Variants in CSMD3 observed in about 807,000 individuals in gnomAD.
CSMD3 encodes CUB and sushi domain-containing protein 3.
A neutral mutation model predicts 435.2 loss-of-function variants in CSMD3; 177 were observed. The ratio of observed to expected loss-of-function variants is 0.41; its 90% CI spans 0.36 to 0.46. The LOEUF (loss-of-function observed/expected upper bound fraction) is 0.46. Among genes scored for constraint, CSMD3 ranks in the 20% least tolerant of loss-of-function variants. The probability of loss-of-function intolerance (pLI) is 0.34; values close to 1 mark genes in which losing one functional copy is unlikely to be tolerated. For synonymous variants in CSMD3, 1,656 were observed against 1,520.5 expected, an observed-to-expected ratio of 1.09 and a Z score of -2.07; for missense variants, 4,265 against 4,504.6, an observed-to-expected ratio of 0.95 and a Z score of 1.52.
intron 4 of CSMD3, among the ~76,000 whole-genome samples, chr8:113,135,669 C>A (rs903363257): frequency 4.6e-5 from 7 of 151,616 alleles, no homozygotes; most frequent in African/African-American, 1.7e-4. Flanking sequence ...GTCCCAAGAG[C>A]AATTCATTGA....
chr8:113,310,043 G>C (rs1195039118), intron 2 of CSMD3: 1 of 152,144 alleles, frequency 6.6e-6, no homozygotes, highest in Non-Finnish European at 1.5e-5. Flanking sequence ...TTCTGTTACA[G>C]CCAAACATCC....
At chr8:112,656,110 G>A (rs1228059732) in intron 18 of CSMD3, 44 bp downstream of exon 18, 7 of 1,033,228 alleles carry the variant, frequency 6.8e-6, no homozygotes, top group Non-Finnish European at 9.1e-6. Context: ...ACAAAAAGTA[G>A]GGCAAACAGA....
intron 11 of CSMD3, among the ~76,000 whole-genome samples, chr8:112,840,648 T>TTG (rs2080153087): frequency 1.3e-5 from 2 of 151,758 alleles, no homozygotes; most frequent in South Asian, 4.1e-4. Context: ...TATCTGTATT[T>TTG]CACTGCAACC....
intron 27 of CSMD3, among the ~76,000 whole-genome samples, chr8:112,526,785 T>C (rs1038754123): frequency 6.6e-6 from 1 of 151,946 alleles, no homozygotes; most frequent in Non-Finnish European, 1.5e-5. Context: ...TTATAACATA[T>C]GTAAAAGTAA....
At chr8:112,336,359 T>C (rs1824553568) in intron 44 of CSMD3, among the ~76,000 whole-genome samples, 1 of 152,198 alleles carries the variant, frequency 6.6e-6, no homozygotes, top group Non-Finnish European at 1.5e-5. Flanking sequence ...ACCTTAAACT[T>C]AAGTCTGTTA....
At chr8:113,250,447 G>A (rs775577376) in intron 3 of CSMD3, among the ~76,000 whole-genome samples, 13 of 152,056 alleles carry the variant, frequency 8.5e-5, no homozygotes, top group Non-Finnish European at 1.9e-4. Flanking sequence ...CCTTGTGGGC[G>A]GTTCTAGGCC....
intron 10 of CSMD3, among the ~76,000 whole-genome samples, chr8:112,893,578 A>T (rs1032115847): frequency 6.6e-6 from 1 of 151,480 alleles, no homozygotes; most frequent in Non-Finnish European, 1.5e-5. Flanking sequence ...TGGAGCAGAG[A>T]TTTAATCCCT....
At chr8:112,932,387 G>A (rs1341764489) in intron 9 of CSMD3, among the ~76,000 whole-genome samples, 2 of 152,170 alleles carry the variant, frequency 1.3e-5, no homozygotes, top group Non-Finnish European at 2.9e-5. Context: ...AGCTAAAAAT[G>A]TTCATCTCAT....
intron 32 of CSMD3, among the ~76,000 whole-genome samples, chr8:112,460,503 G>T (rs1484841954): frequency 6.8e-6 from 1 of 146,884 alleles, no homozygotes; most frequent in African/African-American, 2.5e-5. Context: ...AAATGTTATA[G>T]AATTAAACTA....
At chr8:112,545,489 A>AT (rs1827082802) in intron 27 of CSMD3, among the ~76,000 whole-genome samples, 1 of 142,254 alleles carries the variant, frequency 7.0e-6, no homozygotes, top group African/African-American at 2.7e-5. Flanking sequence ...TCTCAAAAAA[A>AT]AAAAAAAAAA....
chr8:113,192,167 C>A (rs2092595562), intron 3 of CSMD3, among the ~76,000 whole-genome samples: 1 of 151,476 alleles, frequency 6.6e-6, no homozygotes, highest in Non-Finnish European at 1.5e-5. Flanking sequence ...AGTTTGGAAA[C>A]CATGTACATT....
Position 113,409,322 on chromosome 8 carries a change from A to G in CSMD3, c.178+27355T>C, listed in dbSNP as rs948559125. ...GTGGTCTCGAACTCCTGACCTCGTG[A>G]AGCACCCCTCTCGGCCTCCCAAAGT... On this transcript the variant is annotated intron_variant, in intron 1 of 70. Transcript: ENST00000297405. Among the ~76,000 whole-genome samples, 4 of 151,398 alleles carry G rather than the reference A, an allele frequency of 2.6e-5. No individual in the cohort carries two copies. The South Asian group carries it at 8.3e-4, about 32-fold the overall frequency.
At chr8:112,782,079 T>C (rs10955634) in intron 13 of CSMD3, among the ~76,000 whole-genome samples, 127,830 of 152,076 alleles carry the variant, frequency 0.84, 53,954 homozygotes, top group East Asian at 0.92. Flanking sequence ...GAAAACATCA[T>C]CTTACCAAAT....
chr8:112,813,587 T>TA (rs911099260), intron 12 of CSMD3, among the ~76,000 whole-genome samples: 4 of 152,090 alleles, frequency 2.6e-5, no homozygotes, highest in African/African-American at 4.8e-5. Context: ...CAGGGAAACT[T>TA]ACAGCAAAAT....
intron 1 of CSMD3, among the ~76,000 whole-genome samples, chr8:113,403,861 G>A (rs1005895327): frequency 1.3e-5 from 2 of 151,378 alleles, no homozygotes; most frequent in Non-Finnish European, 3.0e-5. Flanking sequence ...GTAAAATAAA[G>A]TAGTTGATGT....
chr8:113,431,071 A>G (rs183717163), intron 1 of CSMD3, among the ~76,000 whole-genome samples: 1 of 152,312 alleles, frequency 6.6e-6, no homozygotes, highest in Non-Finnish European at 1.5e-5. Flanking sequence ...GAAGAGAATA[A>G]GAGCCTCACA....
intron 5 of CSMD3, 28 bp downstream of exon 5, chr8:113,098,728 G>T: frequency 1.4e-6 from 2 of 1,452,416 alleles, no homozygotes; most frequent in Non-Finnish European, 1.9e-6. Flanking sequence ...CAACATCAAT[G>T]CAAGGTTAAT....
At chr8:113,042,974 T>C (rs1233233258) in intron 5 of CSMD3, among the ~76,000 whole-genome samples, 1 of 152,188 alleles carries the variant, frequency 6.6e-6, no homozygotes, top group Non-Finnish European at 1.5e-5. Flanking sequence ...ATATTCTTCT[T>C]CTGAACAATC....
At chr8:112,475,804 G>A (rs930698617) in intron 31 of CSMD3, among the ~76,000 whole-genome samples, 1 of 151,972 alleles carries the variant, frequency 6.6e-6, no homozygotes, top group African/African-American at 2.4e-5. Context: ...TGGAGAAAAG[G>A]GCAGCTTTTA....
Sources: allele counts gnomAD v4.1 joint callset (sites outside exome capture counted in the v4.1 genomes callset), GRCh38; gene constraint gnomAD v4.1.1; transcripts MANE v1.5; gene names NCBI Gene and HGNC (gene_info 2026-07-23, HGNC 2026-07-21).